The following TMC1 variants were observed in gnomAD, a reference collection of about 807,000 sequenced individuals.
TMC1 encodes transmembrane channel like 1.
A neutral mutation model predicts 105.8 loss-of-function variants in TMC1; 84 were observed. That is an observed-to-expected ratio of 0.79 (90% CI 0.67 to 0.95). TMC1 has a LOEUF of 0.95. Among genes scored for constraint, TMC1 ranks in the 40% least tolerant of loss-of-function variants. The pLI, the probability that TMC1 is intolerant of heterozygous loss-of-function variation, is 0.00. For synonymous variants in TMC1, 315 were observed against 311.5 expected (o/e 1.01, Z -0.12); for missense variants, 817 against 914.1 (o/e 0.89, Z 1.37).
intron 1 of TMC1, among the ~76,000 whole-genome samples, chr9:72,545,909 TTTCAAATGTCATCGCTCAAAAAAG>T (rs1183079647): frequency 6.6e-6 from 1 of 151,986 alleles, no homozygotes; most frequent in African/African-American, 2.4e-5. Flanking sequence ...TTATAGTGGC[TTTCAAATGTCATCGCTCAAAAAAG>T]TTCAAATGTC....
intron 4 of TMC1, 127 bp from the exon 5 acceptor site, chr9:72,648,470 G>A: frequency 3.0e-6 from 2 of 668,702 alleles, no homozygotes; most frequent in Non-Finnish European, 5.4e-6. Context: ...AAATTTAATG[G>A]TGAGGAAATG....
intron 1 of TMC1, among the ~76,000 whole-genome samples, chr9:72,543,264 C>T (rs1823707860): frequency 6.6e-6 from 1 of 152,084 alleles, no homozygotes; most frequent in Admixed American, 6.6e-5. Context: ...TTCCATCTAC[C>T]CCATGAGCAA....
At chr9:72,531,476 T>C (rs564149395) in intron 1 of TMC1, among the ~76,000 whole-genome samples, 60 of 152,346 alleles carry the variant, frequency 3.9e-4, no homozygotes, top group African/African-American at 1.3e-3. Flanking sequence ...ATGATGTTAA[T>C]TGAAGTTTCA....
At chr9:72,700,733 TATATATATATACAC>T in intron 8 of TMC1, 90 bp downstream of exon 8, 1 of 172,358 alleles carries the variant, frequency 5.8e-6, no homozygotes, top group Non-Finnish European at 9.1e-6. Flanking sequence ...TATATATATA[TATATATATATACAC>T]ACACACACAC....
intron 10 of TMC1, among the ~76,000 whole-genome samples, chr9:72,744,737 A>C (rs1392765535): frequency 6.6e-6 from 1 of 152,234 alleles, no homozygotes; most frequent in Non-Finnish European, 1.5e-5. Flanking sequence ...TATACATTTG[A>C]AAATTATTTT....
chr9:72,823,283 A>G (rs1828903135), intron 20 of TMC1, among the ~76,000 whole-genome samples: 1 of 152,116 alleles, frequency 6.6e-6, no homozygotes, highest in Non-Finnish European at 1.5e-5. Context: ...TCTAGAAATG[A>G]GGTGAGAATG....
rs573874378 is a variant in TMC1 at position 72,830,498 on chromosome 9, C to T, written c.2177C>T (p.Ala726Val). Reference sequence around the variant, plus strand: ...GCTACTGCCAAGGGCCAGAAGGCAGCGAATCTGGATCTCAAAAAGAAGATG... The same window carrying T: ...GCTACTGCCAAGGGCCAGAAGGCAGTGAATCTGGATCTCAAAAAGAAGATG... ...LNATAKGQKA[A>V]NLDLKKKMKM... The change falls in exon 22 of 24, where the codon GCG becomes GTG. Residue 726 changes from alanine to valine, a missense_variant. Physicochemically the swap from Ala to Val is moderately conservative, Grantham distance 64. Coordinates refer to ENST00000297784, the MANE Select transcript of TMC1 (RefSeq NM_138691.3). The T allele has an allele frequency of 7.7e-5, 124 of 1,613,204 alleles. No individual in the cohort carries two copies. Among genetic ancestry groups the T allele is most frequent in the Non-Finnish European group, 9.6e-5 (113 of 1,179,632 alleles).
chr9:72,595,369 C>A (rs1824701897), intron 2 of TMC1, among the ~76,000 whole-genome samples: 1 of 152,206 alleles, frequency 6.6e-6, no homozygotes, highest in Non-Finnish European at 1.5e-5. Flanking sequence ...CACTAAGATA[C>A]AGCCACTGTT....
chr9:72,694,417 C>G (rs554818355), intron 6 of TMC1, 126 bp from the exon 7 acceptor site: 2 of 769,648 alleles, frequency 2.6e-6, no homozygotes, highest in African/African-American at 3.5e-5. Flanking sequence ...CATCCCATCA[C>G]GATGTGGAGA....
chr9:72,734,580 C>T (rs1045108618), intron 8 of TMC1, among the ~76,000 whole-genome samples: 5 of 151,870 alleles, frequency 3.3e-5, no homozygotes, highest in African/African-American at 1.2e-4. Context: ...ATCTTTGTAC[C>T]TTCGAGTAGC....
intron 15 of TMC1, among the ~76,000 whole-genome samples, chr9:72,789,609 A>G (rs1266815200): frequency 6.6e-6 from 1 of 152,298 alleles, no homozygotes; most frequent in Non-Finnish European, 1.5e-5. Flanking sequence ...ATCTCAAGAG[A>G]TTGCATTATA....
chr9:72,733,781 T>C (rs1203816239), intron 8 of TMC1, among the ~76,000 whole-genome samples: 2 of 152,210 alleles, frequency 1.3e-5, no homozygotes, highest in South Asian at 2.1e-4. Context: ...AGAATTTCTT[T>C]TCCCTTCTTC....
chr9:72,632,678 A>G (rs1825469914), intron 4 of TMC1, among the ~76,000 whole-genome samples: 1 of 152,190 alleles, frequency 6.6e-6, no homozygotes, highest in Non-Finnish European at 1.5e-5. Flanking sequence ...AAGTATGCAG[A>G]TTGGAAAGGC....
At chr9:72,770,841 G>A (rs1203799357) in intron 12 of TMC1, among the ~76,000 whole-genome samples, 1 of 152,070 alleles carries the variant, frequency 6.6e-6, no homozygotes, top group Admixed American at 6.6e-5. Context: ...CAGTGAGTGA[G>A]GCAGGAGAAA....
intron 1 of TMC1, among the ~76,000 whole-genome samples, chr9:72,557,171 G>A (rs933177531): frequency 1.3e-5 from 2 of 152,158 alleles, no homozygotes; most frequent in Admixed American, 1.3e-4. Flanking sequence ...AGTAGCTTGA[G>A]ACCAGCCTGG....
chr9:72,812,384 G>A (rs1427407130), intron 18 of TMC1, among the ~76,000 whole-genome samples: 1 of 152,206 alleles, frequency 6.6e-6, no homozygotes, highest in Non-Finnish European at 1.5e-5. Context: ...GGACAATGCA[G>A]ACTGTATTTT....
At chr9:72,723,803 T>C (rs1375742989) in intron 8 of TMC1, among the ~76,000 whole-genome samples, 1 of 152,202 alleles carries the variant, frequency 6.6e-6, no homozygotes, top group Non-Finnish European at 1.5e-5. Flanking sequence ...TGTTTCGTGA[T>C]TTGTTTAATC....
At chr9:72,685,828 C>T (rs1826371644) in intron 5 of TMC1, among the ~76,000 whole-genome samples, 1 of 152,068 alleles carries the variant, frequency 6.6e-6, no homozygotes, top group South Asian at 2.1e-4. Flanking sequence ...AAAATAATAA[C>T]CTGGAGCTAT....
At chr9:72,642,589 T>C (rs1825646789) in intron 4 of TMC1, among the ~76,000 whole-genome samples, 1 of 152,344 alleles carries the variant, frequency 6.6e-6, no homozygotes, top group African/African-American at 2.4e-5. Flanking sequence ...GTCACATATT[T>C]TTAAAGAAAA....
Sources: allele counts gnomAD v4.1 joint callset (sites outside exome capture counted in the v4.1 genomes callset), GRCh38; gene constraint gnomAD v4.1.1; transcripts MANE v1.5; gene names NCBI Gene and HGNC (gene_info 2026-07-23, HGNC 2026-07-21).